PLIN1: variants seen among roughly 807,000 people sequenced by gnomAD.
PLIN1 encodes perilipin-1.
In PLIN1, 37 loss-of-function variants were observed where a neutral mutation model predicts 45.8. The ratio of observed to expected loss-of-function variants is 0.81; its 90% CI spans 0.62 to 1.06. The LOEUF (loss-of-function observed/expected upper bound fraction) is 1.06, where lower values mean the gene tolerates loss of function less well. PLIN1 is among the 50% of genes least tolerant of loss of function. The probability of loss-of-function intolerance (pLI) is 0.00; values close to 1 mark genes in which losing one functional copy is unlikely to be tolerated. For synonymous variants in PLIN1, 340 were observed against 309.2 expected, an observed-to-expected ratio of 1.10 and a Z score of -1.05; for missense variants, 776 against 716.5, an observed-to-expected ratio of 1.08 and a Z score of -0.95.
Position 89,665,859 on chromosome 15 carries a change from C to A in PLIN1, c.1293G>T (p.Ala431=), listed in dbSNP as rs1361244903. The A allele has an allele frequency of 1.3e-6, 2 of 1,496,186 alleles. No individual in the cohort carries two copies. The highest frequency in any genetic ancestry group is 8.9e-7 in the Non-Finnish European group (1 of 1,128,520). 92.7% of individuals were successfully genotyped at this position (1,496,186 alleles called of 1,614,324 possible). Residue 431 remains alanine (A), a synonymous_variant, in exon 9 of 9, where the codon GCG becomes GCT. Transcript: ENST00000300055. ...NPPAEVERRE[A]ERRASGAPSA... ...ACGGCGCCCCAGACGCTCTGCGCTC[C>A]GCCTCCCGGCGCTCGACCTCGGCTG...
chr15:89,673,358 G>A lies in PLIN1; in HGVS notation c.102C>T (p.Cys34=), dbSNP rs781314156. The A allele has an allele frequency of 2.4e-5, 38 of 1,603,214 alleles. No individual in the cohort carries two copies. In the East Asian group the frequency reaches 4.5e-4, roughly 19 times the overall value. The stretch of plus-strand genomic sequence containing the variant: ...TGGTGTAGGTCTTCTGGAAGCATTC[G>A]CAGGTGCCACTCACCACCGGCAGCT... ...VLQLPVVSGT[C]ECFQKTYTST... The change falls in exon 3 of 9, where the codon TGC becomes TGT. Residue 34 remains cysteine (C), a synonymous_variant. Coordinates refer to ENST00000300055, the MANE Select transcript of PLIN1 (RefSeq NM_002666.5).
At chr15:89,674,128 T>C (rs1237339051) in intron 2 of PLIN1, among the ~76,000 whole-genome samples, 1 of 152,212 alleles carries the variant, frequency 6.6e-6, no homozygotes, top group Non-Finnish European at 1.5e-5. Flanking sequence ...TGAACCACAG[T>C]CAGGGCTGTG....
In PLIN1 at chr15:89,673,412, C is replaced by T. The variant is rs76895441; in HGVS notation, c.48G>A (p.Glu16=). The T allele has an allele frequency of 1.9e-4, 301 of 1,596,280 alleles. 1 individual carries two copies. In the African/African-American group the frequency reaches 3.9e-3, roughly 20 times the overall value. Residue 16 remains glutamate (E), a splice_region_variant and synonymous_variant, in exon 3 of 9, where the codon GAG becomes GAA. Transcript: ENST00000300055. ...GLTLLDGDLP[E]QENVLQRVLQ... ...GGACCCGCTGCAGCACATTCTCCTG[C>T]TCCTGGTGCGGAAGGAACACATTCA...
chr15:89,672,031 G>A (rs79081528), intron 3 of PLIN1, among the ~76,000 whole-genome samples: 6,244 of 152,312 alleles, frequency 0.041, 184 homozygotes, highest in Middle Eastern at 0.082. Context: ...GGAGGGAGAA[G>A]AGAGGTGTGA....
chr15:89,670,173 G>A lies in PLIN1; in HGVS notation c.405C>T (p.Ile135=), dbSNP rs752162218. Residue 135 remains isoleucine, a synonymous_variant, in exon 5 of 9, where the codon ATC becomes ATT. Transcript: ENST00000300055. The part of the protein sequence containing the change: ...RSARNSISVP[I]ASTSDKVLGA... The stretch of plus-strand genomic sequence containing the variant: ...CCAGGACCTTGTCTGAAGTGCTCGC[G>A]ATGGGAACGCTGATGCTGTTTCTGG... 37 of 1,613,936 alleles carry A rather than the reference G, an allele frequency of 2.3e-5. No homozygotes were observed. The highest frequency in any genetic ancestry group is 5.3e-5 in the African/African-American group (4 of 74,946).
chr15:89,667,215 G>T, intron 7 of PLIN1, 34 bp from the exon 8 acceptor site: 1 of 1,611,196 alleles, frequency 6.2e-7, no homozygotes, highest in Non-Finnish European at 8.5e-7. Context: ...GCCTCCTGTG[G>T]TAACTCCCCT....
At chr15:89,669,765 T>C in intron 5 of PLIN1, 93 bp from the exon 6 acceptor site, 12 of 1,181,484 alleles carry the variant, frequency 1.0e-5, no homozygotes, top group Non-Finnish European at 1.2e-5. Context: ...GTAGGTGTTC[T>C]AGGTCCACCA....
chr15:89,673,115 G>A (rs1386740723), intron 3 of PLIN1, 95 bp downstream of exon 3: 1 of 952,308 alleles, frequency 1.1e-6, no homozygotes, highest in Non-Finnish European at 1.6e-6. Flanking sequence ...AGACAAGCAA[G>A]TTATCAGACA....
At position 89,670,072 on chromosome 15, in the gene PLIN1, G is replaced by C; in HGVS notation, c.506C>G (p.Ala169Gly). 1 of 1,614,172 alleles carries C rather than the reference G, an allele frequency of 6.2e-7. No individual in the cohort carries two copies. Among genetic ancestry groups the C allele is most frequent in the African/African-American group, 1.3e-5 (1 of 75,058 alleles). ...GGCCCCTCCAGAAGCCAGTCGGCCA[G>C]CTCGAGTGTTGGCAGCAAATTCCGC... ...DTAEFAANTR[A>G]GRLASGGADL... Residue 169 changes from alanine (A) to glycine (G), a missense_variant, in exon 5 of 9, where the codon GCT (alanine) becomes GGT (glycine). Physicochemically the swap from Ala to Gly is moderately conservative, Grantham distance 60. Coordinates refer to ENST00000300055, the MANE Select transcript of PLIN1 (RefSeq NM_002666.5).
chr15:89,674,448 T>C (rs1596043179), intron 2 of PLIN1, among the ~76,000 whole-genome samples: 1 of 151,324 alleles, frequency 6.6e-6, no homozygotes, highest in Non-Finnish European at 1.5e-5. Flanking sequence ...AGAGGAGGGG[T>C]CTTGCCGGTC....
intron 1 of PLIN1, among the ~76,000 whole-genome samples, chr15:89,678,229 G>C (rs574835663): frequency 6.6e-6 from 1 of 151,970 alleles, no homozygotes; most frequent in East Asian, 2.0e-4. Context: ...AGGTTAAGAG[G>C]CCAGGCGCGG....
chr15:89,676,301 G>A (rs1964514397), intron 2 of PLIN1, among the ~76,000 whole-genome samples: 1 of 152,174 alleles, frequency 6.6e-6, no homozygotes, highest in Admixed American at 6.5e-5. Context: ...AGGCTGGAGT[G>A]CAGTGGCGCG....
At position 89,667,228 on chromosome 15, in the gene PLIN1, C is replaced by T. The variant is rs764323923; in HGVS notation, c.964-47G>A. 4 of 1,607,560 alleles carry T rather than the reference C, an allele frequency of 2.5e-6. No homozygotes were observed. In the South Asian group the frequency reaches 4.4e-5, roughly 18 times the overall value. ...GTGCCTCCTGTGGTAACTCCCCTGA[C>T]CCTTCCCTCCCCACCAGCCCCAGGG... is the stretch of plus-strand genomic sequence containing the variant. On this transcript the variant is annotated intron_variant, in intron 7 of 8. Transcript: ENST00000300055.
At chr15:89,677,167 T>C (rs960741322) in intron 2 of PLIN1, 7 of 520,336 alleles carry the variant, frequency 1.3e-5, no homozygotes, top group African/African-American at 1.2e-4. Flanking sequence ...AAACAGTAGT[T>C]TCCTTCCTCT....
chr15:89,672,299 T>C (rs1258797373), intron 3 of PLIN1, among the ~76,000 whole-genome samples: 2 of 152,272 alleles, frequency 1.3e-5, no homozygotes, highest in African/African-American at 4.8e-5. Flanking sequence ...TCTGCAGCCA[T>C]GGCCAATGGG....
chr15:89,669,871 A>T, intron 5 of PLIN1, 109 bp downstream of exon 5: 1 of 1,211,456 alleles, frequency 8.3e-7, no homozygotes, highest in Non-Finnish European at 1.2e-6. Context: ...TGAAAATCCC[A>T]CTGGCCTTCC....
Position 89,665,112 on chromosome 15 carries a change from A to G in PLIN1, c.*471T>C. On this transcript the variant is annotated 3_prime_UTR_variant, in exon 9 of 9. Transcript: ENST00000300055. ...AGAGGATGTTCATCAGAGGGGGAAC[A>G]GATCATCCTAGATCACAGAGGAGTT... 1 of 350,992 alleles carries G rather than the reference A, an allele frequency of 2.8e-6. No individual in the cohort carries two copies. The highest frequency in any genetic ancestry group is 2.2e-5 in the South Asian group (1 of 46,460). 21.7% of individuals were successfully genotyped at this position (350,992 alleles called of 1,614,324 possible). A position where few individuals can be genotyped will look rare whatever the true frequency, so the allele number is the denominator to read the frequency against.
intron 2 of PLIN1, among the ~76,000 whole-genome samples, chr15:89,675,355 C>A (rs1479190101): frequency 6.6e-6 from 1 of 150,638 alleles, no homozygotes; most frequent in Admixed American, 6.6e-5. Context: ...GCCTGTAATC[C>A]CAACACTTTG....
At chr15:89,667,909 GC>G in intron 6 of PLIN1, 116 bp from the exon 7 acceptor site, 1 of 1,472,898 alleles carries the variant, frequency 6.8e-7, no homozygotes, top group Non-Finnish European at 9.0e-7. Flanking sequence ...GCAGGGCTCA[GC>G]CCCAGCAGAC....
Sources: allele counts gnomAD v4.1 joint callset (sites outside exome capture counted in the v4.1 genomes callset), GRCh38; gene constraint gnomAD v4.1.1; transcripts MANE v1.5; gene names NCBI Gene and HGNC (gene_info 2026-07-23, HGNC 2026-07-21).